Variants in STK17B observed in about 807,000 individuals in gnomAD.
STK17B encodes serine/threonine kinase 17b, also known as serine/threonine-protein kinase 17B.
A neutral mutation model predicts 42.0 loss-of-function variants in STK17B; 21 were observed. The ratio of observed to expected loss-of-function variants is 0.50; its 90% CI spans 0.35 to 0.72. The LOEUF (loss-of-function observed/expected upper bound fraction) is 0.72. Ranked by LOEUF, STK17B falls within the 30% of genes least tolerant of loss-of-function variation. The probability of loss-of-function intolerance (pLI) is 0.00; values close to 1 mark genes in which losing one functional copy is unlikely to be tolerated. For synonymous variants in STK17B, 143 were observed against 148.4 expected (o/e 0.96, Z 0.26); for missense variants, 349 against 446.0 (o/e 0.78, Z 1.96).
At position 196,156,497 on chromosome 2, in the gene STK17B, C is replaced by A; in HGVS notation, c.277G>T (p.Val93Phe). ...TCATAGACCTCATGAAGATTAATAA[C>A]ACGGGGACAAGACTTTGCCAATTCA... ...VLELAKSCPR[V>F]INLHEVYENT... Residue 93 changes from valine to phenylalanine, a missense_variant, in exon 3 of 8, where the codon GTT becomes TTT. Val to Phe is a conservative substitution (Grantham distance 50). Transcript: ENST00000263955. 1.9e-6 allele frequency: 3 copies of A among 1,613,972 alleles called. No homozygotes were observed. The highest frequency in any genetic ancestry group is 2.5e-6 in the Non-Finnish European group (3 of 1,179,988).
chr2:196,165,685 G>C (rs1005885319), intron 1 of STK17B: 1 of 152,184 alleles, frequency 6.6e-6, no homozygotes, highest in South Asian at 2.1e-4. Flanking sequence ...AGAAAGCTTC[G>C]ATTTTGCTGC....
upstream of STK17B, among the ~76,000 whole-genome samples, chr2:196,172,463 T>C (rs766032237): frequency 2.0e-5 from 3 of 152,246 alleles, no homozygotes; most frequent in African/African-American, 4.8e-5. Context: ...TTTACGATAA[T>C]TGCAGAAAAC....
chr2:196,152,785 A>C (rs1329179240), intron 3 of STK17B, among the ~76,000 whole-genome samples: 1 of 152,184 alleles, frequency 6.6e-6, no homozygotes, highest in Non-Finnish European at 1.5e-5. Context: ...TTATATATGC[A>C]AGAAGAAACA....
intron 3 of STK17B, chr2:196,156,044 T>C (rs1214896008): frequency 6.3e-6 from 1 of 157,770 alleles, no homozygotes; most frequent in African/African-American, 2.4e-5. Context: ...AATATACAAA[T>C]TACTTCAATT....
At chr2:196,165,231 A>G (rs945031048) in intron 1 of STK17B, among the ~76,000 whole-genome samples, 3 of 152,200 alleles carry the variant, frequency 2.0e-5, no homozygotes, top group African/African-American at 7.2e-5. Flanking sequence ...TGAACACACT[A>G]GGAGAAGGCA....
chr2:196,137,487 A>T lies in STK17B; in HGVS notation c.1079T>A (p.Leu360Ter). 6.2e-7 allele frequency: 1 copy of T among 1,614,134 alleles called. No homozygotes were observed. Among genetic ancestry groups the T allele is most frequent in the Non-Finnish European group, 8.5e-7 (1 of 1,179,988 alleles). Reference protein sequence around the residue: ...VSKRFRFDDSLPNPHELVSDL... With the variant: ...VSKRFRFDDS ...TGAAACAAGTTCATGGGGATTGGGTAATGAGTCATCGAAACGAAATCTTTT... is the reference window on the plus strand; with the variant it reads ...TGAAACAAGTTCATGGGGATTGGGTTATGAGTCATCGAAACGAAATCTTTT... The change falls in exon 8 of 8, where the codon TTA becomes TAA. Residue 360 changes from leucine (L) to a stop codon, truncating the protein, a stop_gained. Coordinates refer to ENST00000263955, the MANE Select transcript of STK17B (RefSeq NM_004226.4). LOFTEE classifies it high-confidence loss of function.
Position 196,137,471 on chromosome 2 carries a change from T to C in STK17B, c.1095A>G (p.Glu365=), listed in dbSNP as rs368893913. 1.7e-5 allele frequency: 28 copies of C among 1,613,758 alleles called. No individual in the cohort carries two copies. Among genetic ancestry groups the C allele is most frequent in the Non-Finnish European group, 2.3e-5 (27 of 1,179,926 alleles). ...RFDDSLPNPH[E]LVSDLLC is the part of the protein sequence containing the mutation. Reference sequence around the variant, plus strand: ...GCTAACAGAGCAAATCTGAAACAAGTTCATGGGGATTGGGTAATGAGTCAT... The same window carrying C: ...GCTAACAGAGCAAATCTGAAACAAGCTCATGGGGATTGGGTAATGAGTCAT... Residue 365 remains glutamate, a synonymous_variant, in exon 8 of 8, where the codon GAA becomes GAG. Transcript: ENST00000263955.
At chr2:196,157,142 A>G (rs1354056395) in intron 2 of STK17B, among the ~76,000 whole-genome samples, 2 of 133,542 alleles carry the variant, frequency 1.5e-5, no homozygotes, top group African/African-American at 5.3e-5. Flanking sequence ...ACAGAGTGAG[A>G]CTGTCTCAAA....
Position 196,171,564 on chromosome 2 carries a change from T to G in STK17B, c.-276A>C, listed in dbSNP as rs1427963556. ...CAGCAGCGGAGAGGACTACCGAAGC[T>G]TGCAGTCGCGGTTTGAAAACTGCAG... On this transcript the variant is annotated 5_prime_UTR_variant, in exon 1 of 8. Transcript: ENST00000263955. The G allele has an allele frequency of 1.3e-5, 2 of 152,228 alleles. No individual in the cohort carries two copies. The highest frequency in any genetic ancestry group is 6.5e-5 in the Admixed American group (1 of 15,286). 9.4% of individuals were successfully genotyped at this position (152,228 alleles called of 1,614,324 possible).
At chr2:196,146,498 C>T (rs554788648) in intron 3 of STK17B, among the ~76,000 whole-genome samples, 2 of 151,702 alleles carry the variant, frequency 1.3e-5, no homozygotes, top group South Asian at 2.1e-4. Flanking sequence ...AGCAAGACTC[C>T]GTCCCCAAAA....
intron 1 of STK17B, among the ~76,000 whole-genome samples, chr2:196,163,894 C>G (rs1386077702): frequency 6.6e-6 from 1 of 151,866 alleles, no homozygotes; most frequent in Non-Finnish European, 1.5e-5. Context: ...TAAAAATTAA[C>G]TGGGTGTAGT....
At position 196,163,605 on chromosome 2, in the gene STK17B, T is replaced by C. The variant is rs1376652991; in HGVS notation, c.-44-178A>G. ...ATACACATAAACCATAATAACACTA[T>C]GGCACTTGAACGAAGTTACTGACTT... On this transcript the variant is annotated intron_variant, in intron 1 of 7. Transcript: ENST00000263955. Among the ~76,000 whole-genome samples the C allele has an allele frequency of 7.9e-5, 12 of 152,044 alleles. No homozygotes were observed. The East Asian group carries it at 2.3e-3, about 29-fold the overall frequency.
At chr2:196,157,714 TTTTAG>T (rs1294506672) in intron 2 of STK17B, among the ~76,000 whole-genome samples, 2 of 152,206 alleles carry the variant, frequency 1.3e-5, no homozygotes, top group Non-Finnish European at 2.9e-5. Context: ...ATAAGTATGC[TTTTAG>T]CTCTCTCCAA....
intron 1 of STK17B, among the ~76,000 whole-genome samples, chr2:196,167,185 G>A (rs1699884226): frequency 6.6e-6 from 1 of 152,194 alleles, no homozygotes; most frequent in African/African-American, 2.4e-5. Flanking sequence ...ACCACAGGCT[G>A]ATTTAAAGGC....
intron 7 of STK17B, among the ~76,000 whole-genome samples, 158 bp from the exon 8 acceptor site, chr2:196,137,887 T>C (rs767652585): frequency 9.9e-5 from 15 of 152,210 alleles, no homozygotes; most frequent in South Asian, 2.1e-4. Context: ...ATAATGATAA[T>C]AGCTGCTAAC....
intron 2 of STK17B, among the ~76,000 whole-genome samples, chr2:196,161,511 C>CTTTTTTTTTTTT (rs71009086): frequency 1.4e-5 from 1 of 69,522 alleles, no homozygotes; most frequent in African/African-American, 6.1e-5. Context: ...TATTATAATT[C>CTTTTTTTTTTTT]TTTTTTTTTT....
At chr2:196,161,447 T>A (rs1317500755) in intron 2 of STK17B, among the ~76,000 whole-genome samples, 1 of 151,494 alleles carries the variant, frequency 6.6e-6, no homozygotes, top group Non-Finnish European at 1.5e-5. Flanking sequence ...TAAATTAGTA[T>A]GCCAGGAATT....
chr2:196,157,141 G>C (rs150289546), intron 2 of STK17B, among the ~76,000 whole-genome samples: 3,063 of 133,914 alleles, frequency 0.023, 49 homozygotes, highest in Non-Finnish European at 0.033. Context: ...GACAGAGTGA[G>C]ACTGTCTCAA....
intron 1 of STK17B, among the ~76,000 whole-genome samples, chr2:196,164,181 TTG>T (rs144221614): frequency 0.084 from 12,827 of 152,238 alleles, 722 homozygotes; most frequent in Non-Finnish European, 0.12. Flanking sequence ...AATGCACATA[TTG>T]TGAGTTATAT....
Sources: gnomAD v4.1 joint callset for allele counts (sites outside exome capture counted in the v4.1 genomes callset) on GRCh38, gnomAD v4.1.1 for gene constraint, MANE v1.5 for transcripts, NCBI Gene and HGNC (gene_info 2026-07-23, HGNC 2026-07-21) for gene names.